CD47: variants seen among roughly 807,000 people sequenced by gnomAD.
CD47 encodes leukocyte surface antigen CD47.
In CD47, 11 loss-of-function variants were observed where a neutral mutation model predicts 44.6. The observed-to-expected ratio is 0.25, with a 90% confidence interval of 0.16 to 0.41. The LOEUF (loss-of-function observed/expected upper bound fraction) is 0.41. Ranked by LOEUF, CD47 falls within the 10% of genes least tolerant of loss-of-function variation. CD47 has a pLI of 1.00. For synonymous variants in CD47, 140 were observed against 136.3 expected (o/e 1.03, Z -0.19); for missense variants, 306 against 386.7 (o/e 0.79, Z 1.75).
At position 108,045,575 on chromosome 3, in the gene CD47, A is replaced by G. The variant is rs2078709287; in HGVS notation, c.*1713T>C. 6.6e-6 allele frequency: 1 copy of G among 152,448 alleles called. No individual in the cohort carries two copies. The highest frequency in any genetic ancestry group is 1.5e-5 in the Non-Finnish European group (1 of 67,988). The allele number at this position is 152,448 out of a possible 1,614,324, so 9.4% of individuals were successfully genotyped here. A position where few individuals can be genotyped will look rare whatever the true frequency, so the allele number is the denominator to read the frequency against. On this transcript the variant is annotated 3_prime_UTR_variant, in exon 11 of 11. Coordinates refer to ENST00000361309, the MANE Select transcript of CD47 (RefSeq NM_001777.4). The stretch of plus-strand genomic sequence containing the variant: ...TGTATACATATTTTTTTTTTCAAGA[A>G]GAGCTGTCTTGCTAGTATGCTCAGT...
At position 108,061,004 on chromosome 3, in the gene CD47, T is replaced by C. The variant is rs960908130; in HGVS notation, c.491-152A>G. On this transcript the variant is annotated intron_variant, in intron 3 of 10. Coordinates refer to ENST00000361309, the MANE Select transcript of CD47 (RefSeq NM_001777.4). ...TAATATCATCAAGTCACCTCACATC[T>C]CTTTCATAAGCAAATGGATAACGTC... is the stretch of plus-strand genomic sequence containing the variant. The C allele has an allele frequency of 1.0e-5, 6 of 588,584 alleles. No individual in the cohort carries two copies. The African/African-American group carries it at 1.1e-4, about 11-fold the overall frequency. 36.5% of individuals were successfully genotyped at this position (588,584 alleles called of 1,614,324 possible).
rs1178728324 is a variant in CD47, at chr3:108,071,202, A to T, written c.401-20T>A. On this transcript the variant is annotated intron_variant, in intron 2 of 10. Coordinates refer to ENST00000361309, the MANE Select transcript of CD47 (RefSeq NM_001777.4). ...ATGAAACTGGGGAAGAAGAAAACAA[A>T]AGTCACAATTAATATTTACTATAAC... 1 of 1,111,140 alleles carries T rather than the reference A, an allele frequency of 9.0e-7. No individual in the cohort carries two copies. Among genetic ancestry groups the T allele is most frequent in the Non-Finnish European group, 1.3e-6 (1 of 759,158 alleles). The allele number at this position is 1,111,140 out of a possible 1,614,324, so 68.8% of individuals were successfully genotyped here.
At position 108,090,926 on chromosome 3, in the gene CD47, G is replaced by C; in HGVS notation, c.-18C>G. The C allele has an allele frequency of 6.8e-7, 1 of 1,465,294 alleles. No homozygotes were observed. Among genetic ancestry groups the C allele is most frequent in the African/African-American group, 1.5e-5 (1 of 67,586 alleles). 90.8% of individuals were successfully genotyped at this position (1,465,294 alleles called of 1,614,324 possible). ...GGCCACATCTCCGCGCCCGCCGCGGGGTCGCCGCCGCCGCCGCAGGTGTCC... is the reference window on the plus strand; with the variant it reads ...GGCCACATCTCCGCGCCCGCCGCGGCGTCGCCGCCGCCGCCGCAGGTGTCC... On this transcript the variant is annotated 5_prime_UTR_variant, in exon 1 of 11. Transcript: ENST00000361309.
chr3:108,058,271 A>T (rs1226289819), intron 6 of CD47, 66 bp downstream of exon 6: 1 of 881,638 alleles, frequency 1.1e-6, no homozygotes, highest in Non-Finnish European at 1.7e-6. Flanking sequence ...AGAAAGAAAA[A>T]GAAAAAGGAA....
At chr3:108,081,252 T>C (rs745859009) in intron 1 of CD47, among the ~76,000 whole-genome samples, 2 of 151,994 alleles carry the variant, frequency 1.3e-5, no homozygotes, top group Admixed American at 6.6e-5. Flanking sequence ...TAATCACTCA[T>C]TGTTCAACTA....
intron 2 of CD47, 83 bp downstream of exon 2, chr3:108,079,908 C>A (rs75680983): frequency 1.3e-6 from 1 of 783,012 alleles, no homozygotes; most frequent in Non-Finnish European, 2.1e-6. Context: ...CAAAGGAGTA[C>A]CTATCCCCAT....
chr3:108,060,666 G>A (rs2078994522), intron 4 of CD47, 79 bp downstream of exon 4: 1 of 914,308 alleles, frequency 1.1e-6, no homozygotes, highest in African/African-American at 1.6e-5. Context: ...AACAGCCCTA[G>A]GAAACTAATG....
intron 8 of CD47, chr3:108,051,628 G>C (rs1414801902): frequency 1.0e-5 from 5 of 498,120 alleles, no homozygotes; most frequent in Non-Finnish European, 2.0e-5. Context: ...CAACAGGTGA[G>C]GTGATATATT....
At chr3:108,058,591 C>T (rs1240296035) in intron 5 of CD47, among the ~76,000 whole-genome samples, 162 bp from the exon 6 acceptor site, 1 of 152,228 alleles carries the variant, frequency 6.6e-6, no homozygotes, top group Admixed American at 6.5e-5. Flanking sequence ...AACCCTTCCA[C>T]ACAAGTAGTC....
Position 108,049,652 on chromosome 3 carries a change from C to T in CD47, c.935-1G>A. The T allele has an allele frequency of 6.2e-7, 1 of 1,601,382 alleles. No homozygotes were observed. Among genetic ancestry groups the T allele is most frequent in the Non-Finnish European group, 8.6e-7 (1 of 1,168,610 alleles). On this transcript the variant is annotated splice_acceptor_variant, in intron 9 of 10. Transcript: ENST00000361309. LOFTEE classifies it high-confidence loss of function. The stretch of plus-strand genomic sequence containing the variant: ...ATCATTCCTTTTGATTCTTTGAATG[C>T]TAGGATTAGTAACAAGCCAAGCAGG...
At chr3:108,073,375 C>T (rs1276104631) in intron 2 of CD47, among the ~76,000 whole-genome samples, 1 of 152,114 alleles carries the variant, frequency 6.6e-6, no homozygotes, top group African/African-American at 2.4e-5. Context: ...ATTGAAAGCC[C>T]ACCATGGGGA....
chr3:108,049,812 T>C (rs1008678428), intron 9 of CD47, among the ~76,000 whole-genome samples, 161 bp from the exon 10 acceptor site: 2 of 152,216 alleles, frequency 1.3e-5, no homozygotes, highest in Non-Finnish European at 2.9e-5. Context: ...CTGTGGATCA[T>C]ACCCACAGCA....
intron 1 of CD47, among the ~76,000 whole-genome samples, chr3:108,087,125 G>A (rs1298873109): frequency 6.6e-6 from 1 of 152,130 alleles, no homozygotes; most frequent in African/African-American, 2.4e-5. Flanking sequence ...CTTAGGTAAA[G>A]AAGCAAAGAT....
At chr3:108,066,275 A>C (rs1197967351) in intron 3 of CD47, among the ~76,000 whole-genome samples, 3 of 152,212 alleles carry the variant, frequency 2.0e-5, no homozygotes, top group Non-Finnish European at 4.4e-5. Context: ...AAAGATGCCT[A>C]GAATACAGTT....
chr3:108,049,095 TC>T (rs1181301709), intron 10 of CD47, among the ~76,000 whole-genome samples: 2 of 704 alleles, frequency 2.8e-3, no homozygotes, highest in Admixed American at 0.012. Flanking sequence ...GGACGAAACA[TC>T]TCTCTCTCTC....
At chr3:108,047,665 A>G (rs2078743350) in intron 10 of CD47, among the ~76,000 whole-genome samples, 1 of 152,244 alleles carries the variant, frequency 6.6e-6, no homozygotes, top group South Asian at 2.1e-4. Context: ...GATCAGCTGT[A>G]GATGAAAGAG....
At chr3:108,072,887 A>G (rs1052993976) in intron 2 of CD47, among the ~76,000 whole-genome samples, 6 of 152,100 alleles carry the variant, frequency 3.9e-5, no homozygotes, top group African/African-American at 1.5e-4. Flanking sequence ...GATGTGAGAA[A>G]TTATTAACCC....
intron 2 of CD47, among the ~76,000 whole-genome samples, chr3:108,077,751 A>G (rs982076782): frequency 6.6e-6 from 1 of 152,146 alleles, no homozygotes; most frequent in Admixed American, 6.6e-5. Flanking sequence ...TGATAGATGC[A>G]AAAACTTGGA....
At chr3:108,066,454 T>C (rs1051993255) in intron 3 of CD47, among the ~76,000 whole-genome samples, 1 of 152,180 alleles carries the variant, frequency 6.6e-6, no homozygotes, top group Non-Finnish European at 1.5e-5. Context: ...ATTTCTTCAG[T>C]TCAAAAATAA....
Sources: allele counts gnomAD v4.1 joint callset (sites outside exome capture counted in the v4.1 genomes callset), GRCh38; gene constraint gnomAD v4.1.1; transcripts MANE v1.5; gene names NCBI Gene and HGNC (gene_info 2026-07-23, HGNC 2026-07-21).